The following TM7SF3 variants were observed in gnomAD, a reference collection of about 807,000 sequenced individuals.
TM7SF3 encodes transmembrane 7 superfamily member 3, also known as seven span transmembrane protein.
A neutral mutation model predicts 65.5 loss-of-function variants in TM7SF3; 60 were observed. The ratio of observed to expected loss-of-function variants is 0.92; its 90% CI spans 0.74 to 1.14. The LOEUF (loss-of-function observed/expected upper bound fraction) is 1.14. Among genes scored for constraint, TM7SF3 ranks in the 50% most tolerant of loss-of-function variants. The pLI is 0.00. For missense variants in TM7SF3, 623 were observed against 684.8 expected, an observed-to-expected ratio of 0.91 and a Z score of 1.01; for synonymous variants, 264 against 259.6, an observed-to-expected ratio of 1.02 and a Z score of -0.16.
intron 9 of TM7SF3, 113 bp from the exon 10 acceptor site, chr12:26,976,470 A>T (rs1238374108): frequency 4.5e-6 from 3 of 672,324 alleles, no homozygotes; most frequent in Non-Finnish European, 7.9e-6. Flanking sequence ...ACAACCAGGG[A>T]ATATGTTGGC....
In TM7SF3 at chr12:26,974,457, C is replaced by G. The variant is rs539437210; in HGVS notation, c.1451-230G>C. 2.0e-5 allele frequency among the ~76,000 whole-genome samples: 3 copies of G among 152,244 alleles called. No homozygotes were observed. In the South Asian group the frequency reaches 6.2e-4, roughly 32 times the overall value. On this transcript the variant is annotated intron_variant, in intron 11 of 11. Coordinates refer to ENST00000343028, the MANE Select transcript of TM7SF3 (RefSeq NM_016551.3). ...TATTACAGGCATTTGAAAGTCCAGA[C>G]AGGTTGTAAAAAAATCAGTTGTTTG...
intron 5 of TM7SF3, among the ~76,000 whole-genome samples, chr12:26,991,926 G>A (rs879853309): frequency 3.9e-5 from 6 of 152,040 alleles, no homozygotes; most frequent in Non-Finnish European, 5.9e-5. Flanking sequence ...CAAATTTAAC[G>A]TGCTTGTGAA....
At chr12:26,981,389 A>T (rs532639894) in intron 7 of TM7SF3, among the ~76,000 whole-genome samples, 3 of 152,108 alleles carry the variant, frequency 2.0e-5, no homozygotes, top group Admixed American at 1.3e-4. Flanking sequence ...GCTACTTGGG[A>T]GGCTGAGGTG....
At chr12:27,003,144 GAGAT>G in intron 2 of TM7SF3, 88 bp downstream of exon 2, 1 of 871,244 alleles carries the variant, frequency 1.1e-6, no homozygotes, top group South Asian at 1.8e-5. Flanking sequence ...AAACATAAAA[GAGAT>G]AGAGATATCA....
intron 8 of TM7SF3, 120 bp from the exon 9 acceptor site, chr12:26,980,056 CT>C: frequency 5.0e-6 from 6 of 1,196,554 alleles, no homozygotes; most frequent in Non-Finnish European, 7.1e-6. Flanking sequence ...GCACTGAGGG[CT>C]CTTCAGTGGT....
At chr12:26,977,869 G>A (rs1565866058) in intron 9 of TM7SF3, 2 of 275,706 alleles carry the variant, frequency 7.3e-6, no homozygotes, top group South Asian at 6.4e-5. Flanking sequence ...TTGGGAGGCC[G>A]AGGTGGGAGG....
intron 7 of TM7SF3, among the ~76,000 whole-genome samples, chr12:26,981,704 C>T (rs931313297): frequency 6.6e-6 from 1 of 152,076 alleles, no homozygotes; most frequent in Non-Finnish European, 1.5e-5. Context: ...GTTTAAAGAG[C>T]TTTATTAGAT....
chr12:26,981,991 G>A (rs1211587924), intron 7 of TM7SF3, among the ~76,000 whole-genome samples: 1 of 151,806 alleles, frequency 6.6e-6, no homozygotes, highest in Non-Finnish European at 1.5e-5. Flanking sequence ...CAAGTCAATC[G>A]CCATCACCAA....
At chr12:27,002,037 T>C (rs10771315) in intron 2 of TM7SF3, among the ~76,000 whole-genome samples, 82,351 of 152,070 alleles carry the variant, frequency 0.54, 22,540 homozygotes, top group East Asian at 0.81. Context: ...CCTACACACA[T>C]ACCCCACAAC....
At position 26,990,498 on chromosome 12, in the gene TM7SF3, T is replaced by TGTGAGCAGG. The variant is rs747098289; in HGVS notation, c.811_819dup (p.Pro271_His273dup). 2 of 1,614,058 alleles carry TGTGAGCAGG rather than the reference T, an allele frequency of 1.2e-6. No homozygotes were observed. ...CCTGCCTCAAAGCTGCAAGCGTATGTGTGAGCAGGAATGTAGGCAGCAGAT... is the reference window on the plus strand; with the variant it reads ...CCTGCCTCAAAGCTGCAAGCGTATGTGTGAGCAGGGTGAGCAGGAATGTAGGCAGCAGAT... On this transcript the variant is annotated inframe_insertion, in exon 6 of 12. Coordinates refer to ENST00000343028, the MANE Select transcript of TM7SF3 (RefSeq NM_016551.3).
At chr12:26,982,036 C>CT (rs895133692) in intron 7 of TM7SF3, among the ~76,000 whole-genome samples, 112 of 146,462 alleles carry the variant, frequency 7.6e-4, no homozygotes, top group Admixed American at 1.9e-3. Context: ...CAACCAACTT[C>CT]TTTTTTTTTT....
At position 27,003,299 on chromosome 12, in the gene TM7SF3, A is replaced by G; in HGVS notation, c.183T>C (p.Asn61=). 6.2e-7 allele frequency: 1 copy of G among 1,613,038 alleles called. No homozygotes were observed. The highest frequency in any genetic ancestry group is 8.5e-7 in the Non-Finnish European group (1 of 1,179,166). The change falls in exon 2 of 12, where the codon AAT becomes AAC. Residue 61 remains asparagine, a synonymous_variant. Transcript: ENST00000343028. ...GTATTTGGAAAATAAGAAAAGTCAC[A>G]TTGCTTGAAATATCATGCAAAATAG... ...EEAILHDISS[N]VTFLIFQIHS...
rs1398477345 is a variant in TM7SF3, at chr12:27,003,416, C to T, written c.92-26G>A. On this transcript the variant is annotated intron_variant, in intron 1 of 11. Transcript: ENST00000343028. ...CTACAACGAGATAAACTTTTCATTACAACACTTGTACTCTCATATCAATTT... is the reference window on the plus strand; with the variant it reads ...CTACAACGAGATAAACTTTTCATTATAACACTTGTACTCTCATATCAATTT... 4 of 1,592,420 alleles carry T rather than the reference C, an allele frequency of 2.5e-6. No homozygotes were observed. In the Admixed American group the frequency reaches 5.3e-5, roughly 21 times the overall value.
intron 5 of TM7SF3, among the ~76,000 whole-genome samples, chr12:26,994,029 A>G (rs1430052565): frequency 6.6e-6 from 1 of 152,212 alleles, no homozygotes; most frequent in African/African-American, 2.4e-5. Context: ...TACCCTCATT[A>G]GTCTTTGAGG....
chr12:26,982,682 A>G (rs1939868148), intron 7 of TM7SF3, 91 bp downstream of exon 7: 5 of 802,524 alleles, frequency 6.2e-6, no homozygotes, highest in South Asian at 5.9e-5. Flanking sequence ...GATAGTAGAG[A>G]TAAGTAAGTG....
intron 5 of TM7SF3, among the ~76,000 whole-genome samples, chr12:26,993,079 T>G (rs1374055931): frequency 1.3e-5 from 2 of 151,914 alleles, no homozygotes; most frequent in Non-Finnish European, 2.9e-5. Context: ...AACTTTTTGG[T>G]TTTTTTAGTG....
At chr12:26,976,402 A>ACTCTAACTT in intron 9 of TM7SF3, 45 bp from the exon 10 acceptor site, 3 of 1,366,870 alleles carry the variant, frequency 2.2e-6, no homozygotes, top group South Asian at 1.2e-5. Context: ...AGCTTTACCA[A>ACTCTAACTT]GTTAGAGTTG....
At chr12:26,988,547 T>C (rs534755812) in intron 6 of TM7SF3, among the ~76,000 whole-genome samples, 2 of 152,130 alleles carry the variant, frequency 1.3e-5, no homozygotes, top group Non-Finnish European at 2.9e-5. Flanking sequence ...AACTACTGTA[T>C]CAGTGTTAGC....
At chr12:27,012,347 A>C (rs1024580514) in intron 1 of TM7SF3, among the ~76,000 whole-genome samples, 1 of 152,064 alleles carries the variant, frequency 6.6e-6, no homozygotes, top group Non-Finnish European at 1.5e-5. Flanking sequence ...TTAGTGCCCT[A>C]TTATAAGCAA....
Sources: allele counts gnomAD v4.1 joint callset (sites outside exome capture counted in the v4.1 genomes callset), GRCh38; gene constraint gnomAD v4.1.1; transcripts MANE v1.5; gene names NCBI Gene and HGNC (gene_info 2026-07-23, HGNC 2026-07-21).